Variants in GRIN2B observed in about 807,000 individuals in gnomAD.
The protein encoded by GRIN2B is glutamate receptor ionotropic, NMDA 2B.
A neutral mutation model predicts 114.5 loss-of-function variants in GRIN2B; 5 were observed. The ratio of observed to expected loss-of-function variants is 0.04; its 90% confidence interval spans 0.02 to 0.09. The LOEUF is 0.09. GRIN2B is among the 10% of genes least tolerant of loss of function. The probability of loss-of-function intolerance (pLI) is 1.00; values close to 1 mark genes in which losing one functional copy is unlikely to be tolerated. For synonymous variants in GRIN2B, 787 were observed against 745.1 expected (o/e 1.06, Z -0.92); for missense variants, 1,108 against 1,943.5 (o/e 0.57, Z 8.08).
chr12:13,699,635 C>T (rs991995593), intron 4 of GRIN2B, among the ~76,000 whole-genome samples: 5 of 151,544 alleles, frequency 3.3e-5, no homozygotes, highest in African/African-American at 7.3e-5. Context: ...GTTGCCAGGC[C>T]GGAGTGAAGT....
intron 5 of GRIN2B, among the ~76,000 whole-genome samples, chr12:13,643,235 A>G (rs1243355476): frequency 6.6e-6 from 1 of 152,108 alleles, no homozygotes; most frequent in African/African-American, 2.4e-5. Context: ...TACCTAGGAG[A>G]TATTACAGGT....
chr12:13,946,829 T>C (rs1315518010), intron 2 of GRIN2B, among the ~76,000 whole-genome samples: 1 of 152,228 alleles, frequency 6.6e-6, no homozygotes, highest in Non-Finnish European at 1.5e-5. Flanking sequence ...GACTGTTATC[T>C]TTTAATAAGC....
At chr12:13,960,657 G>C (rs185712638) in intron 2 of GRIN2B, among the ~76,000 whole-genome samples, 74 of 152,220 alleles carry the variant, frequency 4.9e-4, no homozygotes, top group African/African-American at 1.7e-3. Context: ...TTTTGTTTTG[G>C]ATCAGTAAAG....
At chr12:13,569,764 A>G (rs1258483118) in intron 12 of GRIN2B, 66 bp downstream of exon 12, 4 of 962,500 alleles carry the variant, frequency 4.2e-6, no homozygotes, top group Non-Finnish European at 6.3e-6. Context: ...AAGAAAAGGA[A>G]AGGTTGATGT....
At chr12:13,679,922 T>C (rs541832826) in intron 4 of GRIN2B, among the ~76,000 whole-genome samples, 1 of 151,946 alleles carries the variant, frequency 6.6e-6, no homozygotes, top group East Asian at 1.9e-4. Context: ...AATGAAAGAG[T>C]GGATAGGAAA....
At chr12:13,595,152 G>C (rs1479240620) in intron 10 of GRIN2B, among the ~76,000 whole-genome samples, 1 of 152,304 alleles carries the variant, frequency 6.6e-6, no homozygotes, top group African/African-American at 2.4e-5. Context: ...GTGATTACTG[G>C]AGAATGAAAT....
intron 4 of GRIN2B, among the ~76,000 whole-genome samples, chr12:13,721,429 G>A (rs1280117898): frequency 6.6e-6 from 1 of 152,014 alleles, no homozygotes; most frequent in Non-Finnish European, 1.5e-5. Context: ...AAAAGGATTA[G>A]GGTGATTGGC....
At chr12:13,806,619 AC>A (rs936282684) in intron 3 of GRIN2B, among the ~76,000 whole-genome samples, 1 of 151,724 alleles carries the variant, frequency 6.6e-6, no homozygotes, top group African/African-American at 2.4e-5. Flanking sequence ...TTTAATATTA[AC>A]CTTTATTAGA....
rs1177622908 is a variant in GRIN2B, at chr12:13,849,102, A to T, written c.411+16696T>A. Among the ~76,000 whole-genome samples the T allele has an allele frequency of 2.0e-5, 3 of 152,196 alleles. No individual in the cohort carries two copies. The East Asian group carries it at 5.8e-4, about 29-fold the overall frequency. Reference sequence around the variant, plus strand: ...TGGAGAACAACAGTGATGAGAGACCAGGGCATTCACGTCTGTATCAGCCTC... The same window carrying T: ...TGGAGAACAACAGTGATGAGAGACCTGGGCATTCACGTCTGTATCAGCCTC... On this transcript the variant is annotated intron_variant, in intron 3 of 13. Coordinates refer to ENST00000609686, the MANE Select transcript of GRIN2B (RefSeq NM_000834.5).
At chr12:13,603,205 C>CTATTTAAAATAAT (rs1949187433) in intron 10 of GRIN2B, among the ~76,000 whole-genome samples, 1 of 152,172 alleles carries the variant, frequency 6.6e-6, no homozygotes, top group African/African-American at 2.4e-5. Context: ...AATAATGTCT[C>CTATTTAAAATAAT]TAAAAGGCTT....
rs187276167 is a variant in GRIN2B, at chr12:13,816,020, G to C, written c.411+49778C>G. Among the ~76,000 whole-genome samples, 13 of 152,278 alleles carry C rather than the reference G, an allele frequency of 8.5e-5. No individual in the cohort carries two copies. In the East Asian group the frequency reaches 2.3e-3, roughly 27 times the overall value. ...TATGAAATGATGCCACAAACCCACT[G>C]CTAGCAAGAGATATACTTGAGAGGC... On this transcript the variant is annotated intron_variant, in intron 3 of 13. Coordinates refer to ENST00000609686, the MANE Select transcript of GRIN2B (RefSeq NM_000834.5).
chr12:13,894,337 G>A lies in GRIN2B; in HGVS notation c.-18-28111C>T, dbSNP rs1202862352. On this transcript the variant is annotated intron_variant, in intron 2 of 13. Coordinates refer to ENST00000609686, the MANE Select transcript of GRIN2B (RefSeq NM_000834.5). ...AAAAATGGAAAGTAATTAAATGGCC[G>A]ACAGTAAGAAGGTGGTTAAGTAAAT... 2.6e-5 allele frequency among the ~76,000 whole-genome samples: 4 copies of A among 152,092 alleles called. No homozygotes were observed. The East Asian group carries it at 5.8e-4, about 22-fold the overall frequency.
At chr12:13,746,803 G>C (rs1287772367) in intron 4 of GRIN2B, among the ~76,000 whole-genome samples, 1 of 152,138 alleles carries the variant, frequency 6.6e-6, no homozygotes, top group Non-Finnish European at 1.5e-5. Context: ...GTGAGAGCTG[G>C]TTATTTGAAG....
At position 13,615,151 on chromosome 12, in the gene GRIN2B, T is replaced by C; in HGVS notation, c.1617A>G (p.Ser539=). The change falls in exon 8 of 14, where the codon TCA becomes TCG. Residue 539 remains serine (S), a synonymous_variant. Transcript: ENST00000609686. This position sits in a 1 kb window ranked among gnomAD's most constrained non-coding sequence, Gnocchi z 5.8. ...AAGGTGAGACAGTCCCATTGCTGCG[T>C]GACACCATGACACTGATGCCTGTCT... ...FIETGISVMV[S]RSNGTVSPSA... 1 of 1,613,100 alleles carries C rather than the reference T, an allele frequency of 6.2e-7. No individual in the cohort carries two copies. Among genetic ancestry groups the C allele is most frequent in the Non-Finnish European group, 8.5e-7 (1 of 1,179,056 alleles).
intron 3 of GRIN2B, among the ~76,000 whole-genome samples, chr12:13,836,838 C>T (rs1193048271): frequency 2.6e-5 from 4 of 152,198 alleles, no homozygotes; most frequent in Non-Finnish European, 4.4e-5. Context: ...TCATGGCACA[C>T]TCAGATGCCA....
intron 1 of GRIN2B, among the ~76,000 whole-genome samples, chr12:13,980,624 G>A (rs940045375): frequency 1.3e-5 from 2 of 151,816 alleles, no homozygotes; most frequent in Non-Finnish European, 2.9e-5. Flanking sequence ...GGGAGGGAGC[G>A]AGCGAAGGAG....
intron 3 of GRIN2B, among the ~76,000 whole-genome samples, chr12:13,848,192 A>G (rs1475105773): frequency 2.0e-5 from 3 of 152,142 alleles, no homozygotes; most frequent in Non-Finnish European, 4.4e-5. Flanking sequence ...TATTTCCCTT[A>G]TGGTCCAATG....
chr12:13,977,829 T>C (rs1362954277), intron 2 of GRIN2B, among the ~76,000 whole-genome samples: 2 of 152,182 alleles, frequency 1.3e-5, no homozygotes, highest in Non-Finnish European at 2.9e-5. Context: ...CTGTGGCGAT[T>C]CCTCCTTGAA....
At chr12:13,757,842 G>A (rs975595928) in intron 3 of GRIN2B, among the ~76,000 whole-genome samples, 1 of 152,040 alleles carries the variant, frequency 6.6e-6, no homozygotes. Context: ...AAAAAAAAGA[G>A]GTGCTTTTTC....
Sources: allele counts gnomAD v4.1 joint callset (sites outside exome capture counted in the v4.1 genomes callset), GRCh38; gene constraint gnomAD v4.1.1; non-coding constraint Gnocchi (gnomAD v3.1); transcripts MANE v1.5; gene names NCBI Gene and HGNC (gene_info 2026-07-23, HGNC 2026-07-21).